Variants in FIP1L1 observed in about 807,000 individuals in gnomAD.
The protein encoded by FIP1L1 is pre-mRNA 3'-end-processing factor FIP1.
Under a neutral mutation model 84.6 loss-of-function variants are expected in FIP1L1, and 21 were observed. The ratio of observed to expected loss-of-function variants is 0.25; its 90% CI spans 0.18 to 0.36. The LOEUF is 0.36. FIP1L1 is among the 10% of genes least tolerant of loss of function. FIP1L1 has a pLI of 1.00. For synonymous variants in FIP1L1, 263 were observed against 242.3 expected (o/e 1.09, Z -0.80); for missense variants, 526 against 751.1 (o/e 0.70, Z 3.50).
At chr4:53,407,581 CGTT>C (rs200356444) in intron 10 of FIP1L1, among the ~76,000 whole-genome samples, 18,595 of 151,370 alleles carry the variant, frequency 0.12, 1,191 homozygotes, top group South Asian at 0.17. Context: ...CTTTCTGTCT[CGTT>C]GGTCTGTCTA....
chr4:53,379,331 A>G, intron 3 of FIP1L1, 67 bp downstream of exon 3: 1 of 1,347,310 alleles, frequency 7.4e-7, no homozygotes, highest in Non-Finnish European at 1.0e-6. Context: ...GTCAGTTGTC[A>G]AAATTATTTT....
At chr4:53,457,296 G>C (rs1227380380) in intron 16 of FIP1L1, among the ~76,000 whole-genome samples, 1 of 152,014 alleles carries the variant, frequency 6.6e-6, no homozygotes, top group African/African-American at 2.4e-5. Flanking sequence ...TACTCTTTCT[G>C]CTCCTCTCTA....
intron 16 of FIP1L1, 158 bp downstream of exon 16, chr4:53,453,291 A>G (rs1337454200): frequency 6.5e-6 from 5 of 765,396 alleles, no homozygotes; most frequent in East Asian, 2.7e-5. Context: ...GAGGCTTCCC[A>G]TTACCTTGAA....
rs557356309 is a variant in FIP1L1 at position 53,383,669 on chromosome 4, A to C, written c.229-104A>C. 7.6e-5 allele frequency: 89 copies of C among 1,163,722 alleles called. 1 individual carries two copies. In the African/African-American group the frequency reaches 1.1e-3, roughly 14 times the overall value. The allele number at this position is 1,163,722 out of a possible 1,614,324, so 72.1% of individuals were successfully genotyped here. A position where few individuals can be genotyped will look rare whatever the true frequency, so the allele number is the denominator to read the frequency against. ...AAAGTGAGAGTCTGTCTCAAGACAG[A>C]AGAAAGAAAAAAAAAAACAGGGTGG... On this transcript the variant is annotated intron_variant, in intron 4 of 17. Coordinates refer to ENST00000337488, the MANE Select transcript of FIP1L1 (RefSeq NM_030917.4).
At chr4:53,387,974 C>T (rs1361487458) in intron 5 of FIP1L1, among the ~76,000 whole-genome samples, 3 of 152,128 alleles carry the variant, frequency 2.0e-5, no homozygotes, top group Non-Finnish European at 4.4e-5. Context: ...AATTAATCAG[C>T]CTATGAAATG....
chr4:53,443,899 T>G (rs1309070318), intron 14 of FIP1L1, 149 bp from the exon 15 acceptor site: 4 of 508,492 alleles, frequency 7.9e-6, no homozygotes, highest in Non-Finnish European at 1.4e-5. Context: ...AACCCCATGT[T>G]TTATTAATAA....
intron 5 of FIP1L1, among the ~76,000 whole-genome samples, chr4:53,385,204 A>G (rs542447081): frequency 1.3e-5 from 2 of 152,282 alleles, no homozygotes; most frequent in South Asian, 2.1e-4. Flanking sequence ...GCATGATGCA[A>G]AAGGAACACA....
chr4:53,445,248 T>C (rs1456645403), intron 15 of FIP1L1, among the ~76,000 whole-genome samples: 2 of 152,156 alleles, frequency 1.3e-5, no homozygotes, highest in South Asian at 2.1e-4. Flanking sequence ...AAAATCTCCA[T>C]TCTGGCTAGT....
chr4:53,390,460 C>A, intron 6 of FIP1L1, 61 bp from the exon 7 acceptor site: 1 of 974,050 alleles, frequency 1.0e-6, no homozygotes, highest in Non-Finnish European at 1.6e-6. Context: ...TTCTGTTTGT[C>A]TATGGTATCG....
rs113027832 is a variant in FIP1L1, at chr4:53,431,584, C to A, written c.1174+3401C>A. ...ATAAGTATAGTAATGATATTTTATT[C>A]TCATATTTTAGGATGCTACTAGATT... On this transcript the variant is annotated intron_variant, in intron 13 of 17. Coordinates refer to ENST00000337488, the MANE Select transcript of FIP1L1 (RefSeq NM_030917.4). 6.7e-3 allele frequency among the ~76,000 whole-genome samples: 993 copies of A among 148,010 alleles called. 11 individuals are homozygous for A. The highest frequency in any genetic ancestry group is 0.024 in the African/African-American group (958 of 40,160).
intron 13 of FIP1L1, among the ~76,000 whole-genome samples, chr4:53,436,605 A>G (rs564334400): frequency 1.3e-5 from 2 of 152,326 alleles, no homozygotes; most frequent in South Asian, 4.1e-4. Flanking sequence ...CATAAATACC[A>G]GCAGACAGGG....
chr4:53,405,881 T>A (rs1753123777), intron 10 of FIP1L1, among the ~76,000 whole-genome samples: 1 of 151,934 alleles, frequency 6.6e-6, no homozygotes. Context: ...TTTGCTGAAG[T>A]TGCTTATCAA....
At chr4:53,443,468 G>A (rs142847649) in intron 14 of FIP1L1, among the ~76,000 whole-genome samples, 4 of 152,172 alleles carry the variant, frequency 2.6e-5, no homozygotes, top group South Asian at 2.1e-4. Context: ...TAAAAATAGT[G>A]TGTTTCTGAA....
chr4:53,432,420 A>G (rs1345944377), intron 13 of FIP1L1, among the ~76,000 whole-genome samples: 6 of 149,662 alleles, frequency 4.0e-5, no homozygotes, highest in African/African-American at 7.5e-5. Context: ...AAAAAAAAAA[A>G]AAAAGAAAGA....
rs55957570 is a variant in FIP1L1, at chr4:53,437,326, C to CAAAAA, written c.1175-5304_1175-5300dup. 3.0e-3 allele frequency among the ~76,000 whole-genome samples: 191 copies of CAAAAA among 64,496 alleles called. 7 individuals carry two copies. Among genetic ancestry groups the CAAAAA allele is most frequent in the African/African-American group, 6.6e-3 (122 of 18,456 alleles). 42.3% of individuals were successfully genotyped at this position (64,496 alleles called of 152,430 possible). A position where few individuals can be genotyped will look rare whatever the true frequency, so the allele number is the denominator to read the frequency against. ...CAACAGTGTGAGACCCTGTCTCAAC[C>CAAAAA]AAAAAAAAAAAAAAAAAAAAAAAAA... On this transcript the variant is annotated intron_variant, in intron 13 of 17. Transcript: ENST00000337488.
intron 14 of FIP1L1, among the ~76,000 whole-genome samples, chr4:53,443,066 G>C (rs541681139): frequency 6.6e-6 from 1 of 152,190 alleles, no homozygotes; most frequent in African/African-American, 2.4e-5. Context: ...GGATAAAGTA[G>C]GGAAAACTAT....
intron 9 of FIP1L1, among the ~76,000 whole-genome samples, chr4:53,398,885 C>T (rs1210016995): frequency 1.3e-5 from 2 of 152,150 alleles, no homozygotes; most frequent in Non-Finnish European, 2.9e-5. Context: ...GGCCTGGTGG[C>T]TCACACCTGT....
At chr4:53,401,156 T>A (rs562635267) in intron 10 of FIP1L1, among the ~76,000 whole-genome samples, 17 of 152,340 alleles carry the variant, frequency 1.1e-4, no homozygotes, top group African/African-American at 3.8e-4. Flanking sequence ...GTAAAGTGTT[T>A]TAGAACAGTG....
intron 14 of FIP1L1, among the ~76,000 whole-genome samples, chr4:53,443,800 A>G (rs773228473): frequency 2.3e-4 from 35 of 152,084 alleles, no homozygotes; most frequent in Non-Finnish European, 3.2e-4. Context: ...AACTCAAGCT[A>G]AGTTGATTGG....
Sources: gnomAD v4.1 joint callset for allele counts (sites outside exome capture counted in the v4.1 genomes callset) on GRCh38, gnomAD v4.1.1 for gene constraint, MANE v1.5 for transcripts, NCBI Gene and HGNC (gene_info 2026-07-23, HGNC 2026-07-21) for gene names.